The following DENND4C variants were observed in gnomAD, a reference collection of about 807,000 sequenced individuals.
The protein encoded by DENND4C is DENN domain-containing protein 4C.
A neutral mutation model predicts 203.0 loss-of-function variants in DENND4C; 108 were observed. That is an observed-to-expected ratio of 0.53 (90% CI 0.46 to 0.62). The LOEUF (loss-of-function observed/expected upper bound fraction) is 0.62. Ranked by LOEUF, DENND4C falls within the 20% of genes least tolerant of loss-of-function variation. The probability of loss-of-function intolerance (pLI) is 0.00; values close to 1 mark genes in which losing one functional copy is unlikely to be tolerated. For missense variants in DENND4C, 2,481 were observed against 2,301.2 expected (o/e 1.08, Z -1.60); for synonymous variants, 871 against 792.4 (o/e 1.10, Z -1.67).
At chr9:19,266,848 A>T (rs547741166) in intron 1 of DENND4C, among the ~76,000 whole-genome samples, 1 of 152,348 alleles carries the variant, frequency 6.6e-6, no homozygotes, top group South Asian at 2.1e-4. Flanking sequence ...AAAGACTTAA[A>T]TGTTAGACCT....
rs770067609 is a variant in DENND4C, at chr9:19,346,951, G to C, written c.4182G>C (p.Leu1394Phe). Reference protein sequence around the residue: ...HGSLGSVVNSLSGLKLDNILS... With the variant: ...HGSLGSVVNSFSGLKLDNILS... ...CGTTGGGTTCTGTAGTAAATTCTTT[G>C]TCAGGGCTAAAGCTGGATAATATAC... The change falls in exon 23 of 33, where the codon TTG becomes TTC. Residue 1394 changes from leucine to phenylalanine, a missense_variant. This residue lies in a region of DENND4C where 2,289 missense variants were observed against 2,113.3 expected (regional missense o/e 1.08). Coordinates refer to ENST00000434457, the MANE Select transcript of DENND4C (RefSeq NM_001330640.2). 17 of 1,614,036 alleles carry C rather than the reference G, an allele frequency of 1.1e-5. No homozygotes were observed. The East Asian group carries it at 3.3e-4, about 32-fold the overall frequency.
At chr9:19,247,648 C>A (rs915164635) in intron 1 of DENND4C, among the ~76,000 whole-genome samples, 12 of 152,176 alleles carry the variant, frequency 7.9e-5, no homozygotes, top group Non-Finnish European at 1.5e-4. Flanking sequence ...CCCACCTTGG[C>A]CTCCCAAAGG....
At chr9:19,232,808 A>C (rs143029009) in intron 1 of DENND4C, among the ~76,000 whole-genome samples, 2 of 152,308 alleles carry the variant, frequency 1.3e-5, no homozygotes, top group African/African-American at 4.8e-5. Context: ...AAGTATCTGC[A>C]ATAAAAGTGG....
intron 1 of DENND4C, among the ~76,000 whole-genome samples, chr9:19,267,114 T>G (rs1830663050): frequency 6.6e-6 from 1 of 152,210 alleles, no homozygotes; most frequent in Non-Finnish European, 1.5e-5. Flanking sequence ...GTTCTGTAAG[T>G]ATCTGTTTGG....
rs117619838 is a variant in DENND4C at position 19,298,537 on chromosome 9, G to T, written c.1107+415G>T. On this transcript the variant is annotated intron_variant, in intron 7 of 32. Coordinates refer to ENST00000434457, the MANE Select transcript of DENND4C (RefSeq NM_001330640.2). ...AAGGACCAGTTTCTTTTTATTTTCA[G>T]TAAGTAGCAGACGTAGGTAGGTGTA... Among the ~76,000 whole-genome samples the T allele has an allele frequency of 2.3e-3, 350 of 152,186 alleles. 1 individual carries two copies. The highest frequency in any genetic ancestry group is 3.9e-3 in the Non-Finnish European group (268 of 67,968).
In DENND4C at chr9:19,256,074, C is replaced by CA. The variant is rs539995750; in HGVS notation, c.-17-20077dup. Among the ~76,000 whole-genome samples, 703 of 131,824 alleles carry CA rather than the reference C, an allele frequency of 5.3e-3. 10 individuals carry two copies. Among genetic ancestry groups the CA allele is most frequent in the African/African-American group, 0.02 (676 of 34,114 alleles). The allele number at this position is 131,824 out of a possible 152,430, so 86.5% of individuals were successfully genotyped here. On this transcript the variant is annotated intron_variant, in intron 1 of 32. Coordinates refer to ENST00000434457, the MANE Select transcript of DENND4C (RefSeq NM_001330640.2). Reference sequence around the variant, plus strand: ...GCAACATAGCAAGACCCTGTCTCTGCAAAAAAATAAATGAAAAAAAAAAAA... The same window carrying CA: ...GCAACATAGCAAGACCCTGTCTCTGCAAAAAAAATAAATGAAAAAAAAAAAA...
At chr9:19,238,478 C>T (rs867864980) in intron 1 of DENND4C, among the ~76,000 whole-genome samples, 8 of 34,568 alleles carry the variant, frequency 2.3e-4, no homozygotes, top group African/African-American at 3.9e-4. Context: ...CTCTCCCCTC[C>T]CCTCCCCCTT....
intron 30 of DENND4C, among the ~76,000 whole-genome samples, chr9:19,364,911 G>A (rs977601188): frequency 8.1e-5 from 12 of 147,826 alleles, no homozygotes; most frequent in Middle Eastern, 3.2e-3. Flanking sequence ...AAAAGAAAAC[G>A]AAAAAAAAAG....
At chr9:19,282,693 T>G (rs1356777554) in intron 2 of DENND4C, among the ~76,000 whole-genome samples, 2 of 149,562 alleles carry the variant, frequency 1.3e-5, no homozygotes, top group Non-Finnish European at 3.0e-5. Flanking sequence ...TTTTTGTTTT[T>G]CTTTTTCTTT....
rs1228437631 is a variant in DENND4C, at chr9:19,373,972, A to G, written c.*1799A>G. Among the ~76,000 whole-genome samples, 1 of 152,178 alleles carries G rather than the reference A, an allele frequency of 6.6e-6. No homozygotes were observed. The highest frequency in any genetic ancestry group is 1.5e-5 in the Non-Finnish European group (1 of 68,016). On this transcript the variant is annotated 3_prime_UTR_variant, in exon 33 of 33. Transcript: ENST00000434457. The stretch of plus-strand genomic sequence containing the variant: ...TTGTCAGAAATTATGTACAATTTTC[A>G]TTACCTTCAAAATGGATCTTTTGCA...
Position 19,246,974 on chromosome 9 carries a change from T to C in DENND4C, c.-18+16141T>C, listed in dbSNP as rs114636983. Reference sequence around the variant, plus strand: ...ATCTCTACCCTCTAAGATTCCATTTTTTCCCCAACTCTTTCCAGGCTGGCT... The same window carrying C: ...ATCTCTACCCTCTAAGATTCCATTTCTTCCCCAACTCTTTCCAGGCTGGCT... On this transcript the variant is annotated intron_variant, in intron 1 of 32. Transcript: ENST00000434457. Among the ~76,000 whole-genome samples, 916 of 152,304 alleles carry C rather than the reference T, an allele frequency of 6.0e-3. 10 individuals are homozygous for C. The highest frequency in any genetic ancestry group is 0.021 in the African/African-American group (864 of 41,572).
intron 10 of DENND4C, among the ~76,000 whole-genome samples, chr9:19,310,064 G>C (rs891352065): frequency 6.6e-6 from 1 of 152,032 alleles, no homozygotes; most frequent in African/African-American, 2.4e-5. Context: ...ACTGTAGATG[G>C]TATTTTAAAT....
intron 5 of DENND4C, among the ~76,000 whole-genome samples, chr9:19,294,985 C>T (rs1367935061): frequency 6.6e-6 from 1 of 152,134 alleles, no homozygotes; most frequent in Non-Finnish European, 1.5e-5. Context: ...ACTGGGTGCA[C>T]TGCATTGTGA....
At chr9:19,261,919 C>T (rs952369220) in intron 1 of DENND4C, among the ~76,000 whole-genome samples, 1 of 151,768 alleles carries the variant, frequency 6.6e-6, no homozygotes, top group African/African-American at 2.4e-5. Flanking sequence ...CTTAGGTTAA[C>T]TTATTAAGTA....
At chr9:19,338,403 C>T (rs1057369378) in intron 20 of DENND4C, among the ~76,000 whole-genome samples, 2 of 152,084 alleles carry the variant, frequency 1.3e-5, no homozygotes, top group African/African-American at 2.4e-5. Context: ...AATGGAAATA[C>T]CAATCTCCTA....
intron 10 of DENND4C, among the ~76,000 whole-genome samples, chr9:19,312,443 A>T (rs1317271520): frequency 6.6e-6 from 1 of 152,186 alleles, no homozygotes; most frequent in African/African-American, 2.4e-5. Flanking sequence ...GTAATTGTGT[A>T]TTGCAGTGTG....
intron 1 of DENND4C, among the ~76,000 whole-genome samples, chr9:19,259,631 G>C (rs913039901): frequency 6.6e-6 from 1 of 150,664 alleles, no homozygotes; most frequent in Non-Finnish European, 1.5e-5. Context: ...TTAGCCTCCC[G>C]AGTAGCTGGG....
At chr9:19,338,672 G>A (rs1383771708) in intron 20 of DENND4C, among the ~76,000 whole-genome samples, 1 of 152,146 alleles carries the variant, frequency 6.6e-6, no homozygotes, top group Admixed American at 6.5e-5. Flanking sequence ...TCACTTAGCT[G>A]TTAGGGGCAT....
intron 23 of DENND4C, among the ~76,000 whole-genome samples, chr9:19,348,742 C>A (rs1051582675): frequency 6.6e-6 from 1 of 150,602 alleles, no homozygotes; most frequent in Non-Finnish European, 1.5e-5. Context: ...CAAGGGAAGG[C>A]GAAATAAAAT....
Sources: allele counts gnomAD v4.1 joint callset (sites outside exome capture counted in the v4.1 genomes callset), GRCh38; gene constraint gnomAD v4.1.1; regional missense constraint gnomAD v4.1.1; transcripts MANE v1.5; gene names NCBI Gene and HGNC (gene_info 2026-07-23, HGNC 2026-07-21).